MCTP1: variants seen among roughly 807,000 people sequenced by gnomAD.
MCTP1 encodes multiple C2 and transmembrane domain-containing protein 1.
In MCTP1, 69 loss-of-function variants were observed where a neutral mutation model predicts 120.6. The ratio of observed to expected loss-of-function variants is 0.57; its 90% CI spans 0.47 to 0.70. The LOEUF is 0.70. MCTP1 is among the 30% of genes least tolerant of loss of function. The pLI, the probability that MCTP1 is intolerant of heterozygous loss-of-function variation, is 0.00. For synonymous variants in MCTP1, 529 were observed against 493.1 expected (o/e 1.07, Z -0.96); for missense variants, 1,203 against 1,248.8 (o/e 0.96, Z 0.55).
At chr5:94,771,829 A>T (rs144024661) in intron 19 of MCTP1, among the ~76,000 whole-genome samples, 2 of 152,298 alleles carry the variant, frequency 1.3e-5, no homozygotes, top group African/African-American at 4.8e-5. Flanking sequence ...TGGAAATCAC[A>T]AATGTATTAT....
chr5:94,840,878 T>C (rs950449642), intron 17 of MCTP1, among the ~76,000 whole-genome samples: 1 of 152,210 alleles, frequency 6.6e-6, no homozygotes, highest in Non-Finnish European at 1.5e-5. Flanking sequence ...CTAAGCAAGC[T>C]GTTTTTGCTG....
At chr5:94,775,103 C>A (rs1212299056) in intron 19 of MCTP1, among the ~76,000 whole-genome samples, 1 of 152,158 alleles carries the variant, frequency 6.6e-6, no homozygotes, top group Non-Finnish European at 1.5e-5. Context: ...TCATTTGTTA[C>A]ATCTAGTTCT....
chr5:94,869,732 T>C (rs1199873459), intron 16 of MCTP1, among the ~76,000 whole-genome samples: 1 of 152,092 alleles, frequency 6.6e-6, no homozygotes, highest in Non-Finnish European at 1.5e-5. Context: ...GAATCAGATG[T>C]AAACGTTTTT....
At position 94,707,273 on chromosome 5, in the gene MCTP1, A is replaced by G; in HGVS notation, c.*223T>C. 1 of 454,302 alleles carries G rather than the reference A, an allele frequency of 2.2e-6. No individual in the cohort carries two copies. The highest frequency in any genetic ancestry group is 3.9e-6 in the Non-Finnish European group (1 of 255,658). 28.1% of individuals were successfully genotyped at this position (454,302 alleles called of 1,614,324 possible). On this transcript the variant is annotated 3_prime_UTR_variant, in exon 23 of 23. Transcript: ENST00000515393. ...GTTATATTATTATCCACAGCTAACA[A>G]GGTTTTGACACAGCAGTAGCAAAAC...
At chr5:95,127,896 TG>T (rs1758750688) in intron 1 of MCTP1, among the ~76,000 whole-genome samples, 1 of 152,056 alleles carries the variant, frequency 6.6e-6, no homozygotes, top group Non-Finnish European at 1.5e-5. Flanking sequence ...GCAATCTGAA[TG>T]GGAGGCAGGG....
intron 1 of MCTP1, among the ~76,000 whole-genome samples, chr5:95,100,017 G>A (rs908640494): frequency 6.6e-4 from 100 of 151,350 alleles, no homozygotes; most frequent in African/African-American, 1.9e-3. Flanking sequence ...GTAAACTATC[G>A]CAAGAACAAA....
At chr5:95,179,819 A>G (rs1748409902) in intron 1 of MCTP1, among the ~76,000 whole-genome samples, 1 of 152,200 alleles carries the variant, frequency 6.6e-6, no homozygotes, top group Non-Finnish European at 1.5e-5. Context: ...TAAACAGAAT[A>G]GTAGCTCACA....
rs76230294 is a variant in MCTP1 at position 95,284,339 on chromosome 5, G to A, written c.237C>T (p.Ser79=). The A allele has an allele frequency of 1.7e-3, 2,787 of 1,596,966 alleles. 35 individuals are homozygous for A. The African/African-American group carries it at 0.031, about 18-fold the overall frequency. Residue 79 remains serine (S), a synonymous_variant, in exon 1 of 23, where the codon AGC becomes AGT. Coordinates refer to ENST00000515393, the MANE Select transcript of MCTP1 (RefSeq NM_024717.7). This position sits in a 1 kb window ranked among gnomAD's most constrained non-coding sequence, Gnocchi z 5.2. ...GCACTTGCTTCCGCTTCTTGAAGCC[G>A]CTCCACCTGCTGCCTGCACCACTCC... ...ARGSGAGSRW[S]GFKKRKQVLD... is the part of the protein sequence containing the mutation.
At chr5:94,974,214 A>G (rs1041270988) in intron 2 of MCTP1, among the ~76,000 whole-genome samples, 1 of 152,176 alleles carries the variant, frequency 6.6e-6, no homozygotes, top group Non-Finnish European at 1.5e-5. Context: ...TTCAATTGAG[A>G]TAACAGTTAC....
chr5:95,082,636 T>C (rs1424131486), intron 1 of MCTP1, among the ~76,000 whole-genome samples: 2 of 152,210 alleles, frequency 1.3e-5, no homozygotes, highest in Non-Finnish European at 2.9e-5. Flanking sequence ...TAGTAATGGT[T>C]ACCCTAGTAT....
chr5:94,734,050 C>T (rs1484225403), intron 19 of MCTP1, among the ~76,000 whole-genome samples: 1 of 152,048 alleles, frequency 6.6e-6, no homozygotes, highest in East Asian at 1.9e-4. Context: ...AATTCTAGTT[C>T]TGTGATCTCT....
At chr5:95,061,411 T>TTG (rs1562094965) in intron 1 of MCTP1, among the ~76,000 whole-genome samples, 1 of 15,084 alleles carries the variant, frequency 6.6e-5, no homozygotes, top group Non-Finnish European at 1.8e-4. Flanking sequence ...CTTAAGGGTT[T>TTG]TTTTTTTTTT....
intron 2 of MCTP1, among the ~76,000 whole-genome samples, chr5:94,999,585 T>G (rs1833269059): frequency 6.6e-6 from 1 of 152,152 alleles, no homozygotes; most frequent in African/African-American, 2.4e-5. Flanking sequence ...GGCAATACAG[T>G]TATTTGCAAA....
At chr5:94,934,743 T>TTG (rs1815752050) in intron 5 of MCTP1, among the ~76,000 whole-genome samples, 1 of 151,036 alleles carries the variant, frequency 6.6e-6, no homozygotes, top group African/African-American at 2.4e-5. Context: ...AGAAGTTTTT[T>TTG]TTTTTTTTTT....
At chr5:94,778,768 G>A (rs972711807) in intron 19 of MCTP1, among the ~76,000 whole-genome samples, 2 of 152,084 alleles carry the variant, frequency 1.3e-5, no homozygotes, top group African/African-American at 2.4e-5. Context: ...CCCAAAGCAT[G>A]GCCCGATTTG....
At chr5:94,876,696 C>T (rs980247671) in intron 12 of MCTP1, among the ~76,000 whole-genome samples, 2 of 151,908 alleles carry the variant, frequency 1.3e-5, no homozygotes, top group Admixed American at 1.3e-4. Flanking sequence ...ATGCTAGAAA[C>T]TGGAGAATTT....
chr5:94,917,083 T>C (rs1810270086), intron 8 of MCTP1, among the ~76,000 whole-genome samples: 1 of 152,226 alleles, frequency 6.6e-6, no homozygotes, highest in South Asian at 2.1e-4. Flanking sequence ...TACTGAATAA[T>C]TATGAAAAGC....
chr5:94,985,077 A>G (rs186698467), intron 2 of MCTP1, among the ~76,000 whole-genome samples: 9 of 152,276 alleles, frequency 5.9e-5, no homozygotes, highest in African/African-American at 1.7e-4. Flanking sequence ...CTACTTATAA[A>G]TCTCCAAGTC....
chr5:94,801,731 TG>T (rs1366512180), intron 17 of MCTP1, among the ~76,000 whole-genome samples: 1 of 152,188 alleles, frequency 6.6e-6, no homozygotes, highest in African/African-American at 2.4e-5. Flanking sequence ...TGAATTTCCT[TG>T]TAATGTCCAT....
Sources: gnomAD v4.1 joint callset for allele counts (sites outside exome capture counted in the v4.1 genomes callset) on GRCh38, gnomAD v4.1.1 for gene constraint, Gnocchi (gnomAD v3.1) non-coding constraint, MANE v1.5 for transcripts, NCBI Gene and HGNC (gene_info 2026-07-23, HGNC 2026-07-21) for gene names.